BNC1: variants seen among roughly 807,000 people sequenced by gnomAD.
The protein encoded by BNC1 is zinc finger protein basonuclin-1.
In BNC1, 8 loss-of-function variants were observed where a neutral mutation model predicts 66.5. The observed-to-expected ratio is 0.12, with a 90% CI of 0.07 to 0.22. The LOEUF (loss-of-function observed/expected upper bound fraction) is 0.22, where lower values mean the gene tolerates loss of function less well. Among genes scored for constraint, BNC1 ranks in the 10% least tolerant of loss-of-function variants. BNC1 has a pLI of 1.00. For missense variants in BNC1, 1,069 were observed against 1,241.3 expected (o/e 0.86, Z 2.09); for synonymous variants, 454 against 452.6 (o/e 1.00, Z -0.04).
At position 83,257,923 on chromosome 15, in the gene BNC1, G is replaced by C. The variant is rs757018655; in HGVS notation, c.2504C>G (p.Thr835Arg). The C allele has an allele frequency of 4.3e-6, 7 of 1,614,042 alleles. No homozygotes were observed. The Admixed American group carries it at 6.7e-5, about 15-fold the overall frequency. The change falls in exon 5 of 5, where the codon ACG (threonine) becomes AGG (arginine). Residue 835 changes from threonine to arginine, a missense_variant. Thr to Arg is a moderately conservative substitution (Grantham distance 71). Around this residue, in one of 7 missense-constraint regions of BNC1, gnomAD observed 657 missense variants for 715.8 expected, o/e 0.92. Transcript: ENST00000345382. ...CTCCAGGCTGGCACTGTGGACTTGC[G>C]TTATTGGGTAAACCAGACTGCCCAT... ...SRMGSLVYPI[T>R]QVHSASLESY...
chr15:83,272,394 C>CTTTTTTTTTTTTTTT (rs750429207), intron 1 of BNC1, among the ~76,000 whole-genome samples: 7 of 122,696 alleles, frequency 5.7e-5, no homozygotes, highest in Admixed American at 8.2e-5. Context: ...CCACACCTGG[C>CTTTTTTTTTTTTTTT]TTTTTTTTTT....
intron 1 of BNC1, chr15:83,283,152 T>C: frequency 1.3e-6 from 2 of 1,535,036 alleles, no homozygotes; most frequent in African/African-American, 1.4e-5. Flanking sequence ...CTCGGAGCGG[T>C]GGCAGCCCCG....
chr15:83,274,263 T>C (rs2038297129), intron 1 of BNC1, among the ~76,000 whole-genome samples: 1 of 152,150 alleles, frequency 6.6e-6, no homozygotes, highest in Non-Finnish European at 1.5e-5. Flanking sequence ...CAGGCGCCTG[T>C]AGTCCCAGCT....
At chr15:83,274,298 T>C (rs1218349746) in intron 1 of BNC1, among the ~76,000 whole-genome samples, 1 of 152,132 alleles carries the variant, frequency 6.6e-6, no homozygotes, top group African/African-American at 2.4e-5. Flanking sequence ...GCCAGGAGAA[T>C]GGTGTGAACC....
rs1449913507 is a variant in BNC1, at chr15:83,256,503, C to CAGA, written c.*936_*938dup. 6.6e-6 allele frequency: 1 copy of CAGA among 152,570 alleles called. No individual in the cohort carries two copies. Among genetic ancestry groups the CAGA allele is most frequent in the Admixed American group, 6.5e-5 (1 of 15,286 alleles). The allele number at this position is 152,570 out of a possible 1,614,324, so 9.5% of individuals were successfully genotyped here. ...GATACTGAAAATACACAACAACCAT[C>CAGA]AGAACCACATTATCTACGGCAGAAT... is the stretch of plus-strand genomic sequence containing the variant. On this transcript the variant is annotated 3_prime_UTR_variant, in exon 5 of 5. Transcript: ENST00000345382.
In BNC1 at chr15:83,284,546, C is replaced by T; in HGVS notation, c.83G>A (p.Gly28Asp). 8.5e-7 allele frequency: 1 copy of T among 1,171,834 alleles called. No individual in the cohort carries two copies. The highest frequency in any genetic ancestry group is 1.1e-6 in the Non-Finnish European group (1 of 941,246). 72.6% of individuals were successfully genotyped at this position (1,171,834 alleles called of 1,614,324 possible). The change falls in exon 1 of 5, where the codon GGT becomes GAT. Residue 28 changes from glycine (G) to aspartate (D), a missense_variant. Physicochemically the swap from Gly to Asp is moderately conservative, Grantham distance 94. Around this residue, in one of 7 missense-constraint regions of BNC1, gnomAD observed 78 missense variants for 80.9 expected, o/e 0.96. Coordinates refer to ENST00000345382, the MANE Select transcript of BNC1 (RefSeq NM_001717.4). Reference protein sequence around the residue: ...ETRRQPRHRSGRRMAEAISCT... With the variant: ...ETRRQPRHRSDRRMAEAISCT... ...CGCGCTTACCTCGGCCATCCTGCGA[C>T]CGCTGCGGTGCCGGGGCTGCCGGCG...
At chr15:83,274,708 G>T (rs2038302811) in intron 1 of BNC1, among the ~76,000 whole-genome samples, 1 of 152,216 alleles carries the variant, frequency 6.6e-6, no homozygotes, top group Non-Finnish European at 1.5e-5. Flanking sequence ...CAGTTGGTGA[G>T]CCTTATTGAG....
At chr15:83,276,629 T>C (rs972581995) in intron 1 of BNC1, among the ~76,000 whole-genome samples, 4 of 152,188 alleles carry the variant, frequency 2.6e-5, no homozygotes, top group Non-Finnish European at 5.9e-5. Context: ...AAACTCCTCA[T>C]AAATAGCAGA....
Position 83,258,121 on chromosome 15 carries a change from C to T in BNC1, c.2306G>A (p.Ser769Asn), listed in dbSNP as rs1340571893. ...FPSRRSRDRH[S>N]SNLNLHQKAL... The stretch of plus-strand genomic sequence containing the variant: ...TTTTTGGTGGAGGTTTAGGTTTGAG[C>T]TGTGTCTACAAGAGTGAAAAGATGG... Residue 769 changes from serine to asparagine, a missense_variant, in exon 5 of 5, where the codon AGC becomes AAC. By Grantham distance (46) the Ser-to-Asn change is conservative (BLOSUM62 1). Coordinates refer to ENST00000345382, the MANE Select transcript of BNC1 (RefSeq NM_001717.4). The T allele has an allele frequency of 6.3e-7, 1 of 1,598,094 alleles. No homozygotes were observed. The highest frequency in any genetic ancestry group is 8.6e-7 in the Non-Finnish European group (1 of 1,167,426).
rs2038388763 is a variant in BNC1 at position 83,282,456 on chromosome 15, C to T, written c.99+2074G>A. ...CATCTTTTCACACCTCTTTAAAGAG[C>T]AAATCAAATCCAGTACAATTTGTAA... On this transcript the variant is annotated intron_variant, in intron 1 of 4. Coordinates refer to ENST00000345382, the MANE Select transcript of BNC1 (RefSeq NM_001717.4). Among the ~76,000 whole-genome samples the T allele has an allele frequency of 2.0e-5, 3 of 152,286 alleles. No homozygotes were observed. In the South Asian group the frequency reaches 6.2e-4, roughly 32 times the overall value.
intron 4 of BNC1, among the ~76,000 whole-genome samples, chr15:83,262,198 G>A (rs2038151453): frequency 6.6e-6 from 1 of 151,934 alleles, no homozygotes; most frequent in Non-Finnish European, 1.5e-5. Context: ...GACTACAGGT[G>A]CATGCCACCA....
chr15:83,264,680 G>T lies in BNC1; in HGVS notation c.571C>A (p.Gln191Lys), dbSNP rs781503388. ...GTGGAAGGTGGTATGATGATGGATT[G>T]CTCTTCTTTCTCTTGAATTGCCATG... ...ELMAIQEKEE[Q>K]SIIIPPSTAN... The change falls in exon 4 of 5, where the codon CAA becomes AAA. Residue 191 changes from glutamine to lysine, a missense_variant. Physicochemically the swap from Gln to Lys is moderately conservative, Grantham distance 53. Coordinates refer to ENST00000345382, the MANE Select transcript of BNC1 (RefSeq NM_001717.4). 11 of 1,614,150 alleles carry T rather than the reference G, an allele frequency of 6.8e-6. No individual in the cohort carries two copies. The highest frequency in any genetic ancestry group is 7.6e-6 in the Non-Finnish European group (9 of 1,180,038).
intron 1 of BNC1, among the ~76,000 whole-genome samples, chr15:83,273,320 A>C (rs1410614109): frequency 6.6e-6 from 1 of 152,232 alleles, no homozygotes; most frequent in Non-Finnish European, 1.5e-5. Flanking sequence ...CCATTATCTA[A>C]AGATAAATGA....
chr15:83,257,859 C>G lies in BNC1; in HGVS notation c.2568G>C (p.Leu856=), dbSNP rs144960475. 6.6e-3 allele frequency: 10,709 copies of G among 1,614,160 alleles called. 35 individuals carry two copies. The highest frequency in any genetic ancestry group is 8.4e-3 in the Non-Finnish European group (9,864 of 1,180,030). The part of the protein sequence containing the change: ...NSGPLSEGTI[L]DLSTTSSMKS... The stretch of plus-strand genomic sequence containing the variant: ...TCATGCTCGAGGTAGTGCTCAAATC[C>G]AGGATGGTGCCCTCGCTCAAGGGGC... Residue 856 remains leucine (L), a synonymous_variant, in exon 5 of 5, where the codon CTG becomes CTC. Coordinates refer to ENST00000345382, the MANE Select transcript of BNC1 (RefSeq NM_001717.4).
chr15:83,265,379 G>C (rs1337423380), intron 3 of BNC1, among the ~76,000 whole-genome samples: 1 of 152,164 alleles, frequency 6.6e-6, no homozygotes, highest in African/African-American at 2.4e-5. Flanking sequence ...TCAAACTCTA[G>C]CAAGGCCTAA....
At chr15:83,267,661 G>A (rs1410058813) in intron 2 of BNC1, among the ~76,000 whole-genome samples, 1 of 152,138 alleles carries the variant, frequency 6.6e-6, no homozygotes, top group Admixed American at 6.5e-5. Context: ...CTGTAGAGTT[G>A]TCAGATTTGG....
intron 3 of BNC1, among the ~76,000 whole-genome samples, chr15:83,265,149 C>A (rs1314950714): frequency 6.6e-6 from 1 of 152,134 alleles, no homozygotes; most frequent in East Asian, 1.9e-4. Context: ...TAATAATTTT[C>A]CCTGCTAAAA....
Position 83,258,124 on chromosome 15 carries a change from T to C in BNC1, c.2303A>G (p.His768Arg), listed in dbSNP as rs777220483. 15 of 1,592,142 alleles carry C rather than the reference T, an allele frequency of 9.4e-6. No homozygotes were observed. Among genetic ancestry groups the C allele is most frequent in the Non-Finnish European group, 1.3e-5 (15 of 1,163,412 alleles). ...TFPSRRSRDR[H>R]SSNLNLHQKA... is the part of the protein sequence containing the mutation. ...TTGGTGGAGGTTTAGGTTTGAGCTG[T>C]GTCTACAAGAGTGAAAAGATGGTTA... Residue 768 changes from histidine (H) to arginine (R), a missense_variant and splice_region_variant, in exon 5 of 5, where the codon CAC becomes CGC. Coordinates refer to ENST00000345382, the MANE Select transcript of BNC1 (RefSeq NM_001717.4).
intron 1 of BNC1, among the ~76,000 whole-genome samples, chr15:83,282,162 G>A (rs1199615710): frequency 6.6e-6 from 1 of 152,212 alleles, no homozygotes; most frequent in Non-Finnish European, 1.5e-5. Flanking sequence ...TTATGCAGAT[G>A]CCTGAACATA....
Sources: gnomAD v4.1 joint callset for allele counts (sites outside exome capture counted in the v4.1 genomes callset) on GRCh38, gnomAD v4.1.1 for gene constraint, gnomAD v4.1.1 regional missense constraint, MANE v1.5 for transcripts, NCBI Gene and HGNC (gene_info 2026-07-23, HGNC 2026-07-21) for gene names.